RALGDS: variants seen among roughly 807,000 people sequenced by gnomAD.
RALGDS encodes the protein ral guanine nucleotide exchange factor.
Under a neutral mutation model 99.8 loss-of-function variants are expected in RALGDS, and 44 were observed. The ratio of observed to expected loss-of-function variants is 0.44; its 90% confidence interval spans 0.35 to 0.57. The LOEUF is 0.57. Ranked by LOEUF, RALGDS falls within the 20% of genes least tolerant of loss-of-function variation. RALGDS has a pLI of 0.01. For synonymous variants in RALGDS, 529 were observed against 505.0 expected (o/e 1.05, Z -0.64); for missense variants, 1,022 against 1,203.1 (o/e 0.85, Z 2.23).
intron 16 of RALGDS, 53 bp downstream of exon 16, chr9:133,101,467 G>A: frequency 6.2e-7 from 1 of 1,607,040 alleles, no homozygotes; most frequent in East Asian, 2.2e-5. Flanking sequence ...CTGTGTTCAG[G>A]GTGCATTTGC....
chr9:133,104,816 CAAAT>C (rs1005189939), intron 9 of RALGDS, among the ~76,000 whole-genome samples: 1 of 152,064 alleles, frequency 6.6e-6, no homozygotes, highest in Non-Finnish European at 1.5e-5. Flanking sequence ...CTTCTCTAAA[CAAAT>C]AAAAAAACTC....
At position 133,110,329 on chromosome 9, in the gene RALGDS, G is replaced by A; in HGVS notation, c.455C>T (p.Thr152Ile). 2 of 1,613,906 alleles carry A rather than the reference G, an allele frequency of 1.2e-6. No homozygotes were observed. Among genetic ancestry groups the A allele is most frequent in the Non-Finnish European group, 1.7e-6 (2 of 1,179,988 alleles). ...IFLCTYRAFTTTQQVLDLLFK... is the reference protein window; with the variant it reads ...IFLCTYRAFTITQQVLDLLFK... ...CAGCAGGTCCAGGACCTGTTGGGTG[G>A]TGGTGAAGGCTCTATAGGTACACAG... Residue 152 changes from threonine to isoleucine, a missense_variant, in exon 3 of 18, where the codon ACC (threonine) becomes ATC (isoleucine). Coordinates refer to ENST00000372050, the MANE Select transcript of RALGDS (RefSeq NM_006266.4).
intron 15 of RALGDS, 73 bp downstream of exon 15, chr9:133,101,865 G>T (rs1167039258): frequency 4.5e-6 from 7 of 1,551,336 alleles, no homozygotes; most frequent in Non-Finnish European, 6.1e-6. Context: ...AGGATCCAGG[G>T]CTTCCTGGCC....
intron 1 of RALGDS, among the ~76,000 whole-genome samples, chr9:133,145,422 G>A (rs1342348050): frequency 1.3e-5 from 2 of 149,094 alleles, no homozygotes; most frequent in African/African-American, 2.5e-5. Flanking sequence ...AGACAGATAC[G>A]AAATGAATGA....
In RALGDS at chr9:133,108,732, C is replaced by T. The variant is rs776113349; in HGVS notation, c.719G>A (p.Arg240His). 5.0e-6 allele frequency: 8 copies of T among 1,613,580 alleles called. No individual in the cohort carries two copies. The highest frequency in any genetic ancestry group is 2.7e-5 in the African/African-American group (2 of 74,926). ...LNMPGSDLER[R>H]AHLLLAQLEH... is the part of the protein sequence containing the mutation. ...CAGCTGGGCCAGGAGAAGGTGGGCA[C>T]GGCGCTCCAGGTCTGAGCCTGGCAT... Residue 240 changes from arginine to histidine, a missense_variant, in exon 5 of 18, where the codon CGT becomes CAT. This residue lies in a region of RALGDS where 825 missense variants were observed against 994.5 expected (regional missense o/e 0.83). Coordinates refer to ENST00000372050, the MANE Select transcript of RALGDS (RefSeq NM_006266.4).
At chr9:133,119,487 G>A (rs1368347648) in intron 1 of RALGDS, among the ~76,000 whole-genome samples, 2 of 152,204 alleles carry the variant, frequency 1.3e-5, no homozygotes, top group African/African-American at 4.8e-5. Context: ...GGGCCAGAGA[G>A]AGGGAAGACA....
chr9:133,108,540 TG>T, intron 5 of RALGDS, 132 bp downstream of exon 5: 1 of 1,411,370 alleles, frequency 7.1e-7, no homozygotes, highest in Non-Finnish European at 9.7e-7. Flanking sequence ...CTCCTGCCTG[TG>T]GTCCCTGCCT....
At chr9:133,120,672 G>GAA (rs894386520) in intron 1 of RALGDS, among the ~76,000 whole-genome samples, 1 of 152,202 alleles carries the variant, frequency 6.6e-6, no homozygotes, top group Non-Finnish European at 1.5e-5. Flanking sequence ...CAGTGCCGCA[G>GAA]AAAAAGGTCC....
chr9:133,101,482 AG>A (rs1480179349), intron 16 of RALGDS, 37 bp downstream of exon 16: 2 of 1,609,026 alleles, frequency 1.2e-6, no homozygotes, highest in Non-Finnish European at 8.5e-7. Flanking sequence ...ATTTGCCGCC[AG>A]TGGAGGGAGG....
Position 133,102,958 on chromosome 9 carries a change from AGTCTCTGG to A in RALGDS, c.1792-66_1792-59del, listed in dbSNP as rs896698088. 95 of 1,604,004 alleles carry A rather than the reference AGTCTCTGG, an allele frequency of 5.9e-5. 1 individual carries two copies. In the Middle Eastern group the frequency reaches 2.0e-3, roughly 34 times the overall value. On this transcript the variant is annotated intron_variant, in intron 12 of 17. Transcript: ENST00000372050. Reference sequence around the variant, plus strand: ...AGGCCCCCCGGGCAGCACAGGGGCCAGTCTCTGGGTCTTTGTTCTTGGGGTCCCTTCCT... The same window carrying A: ...AGGCCCCCCGGGCAGCACAGGGGCCAGTCTTTGTTCTTGGGGTCCCTTCCT...
chr9:133,148,360 C>A (rs1467743044), intron 1 of RALGDS, among the ~76,000 whole-genome samples: 1 of 152,250 alleles, frequency 6.6e-6, no homozygotes, highest in Non-Finnish European at 1.5e-5. Flanking sequence ...ATCCTGGGAA[C>A]CTTGGAGAAT....
At chr9:133,139,731 A>G (rs1037581959) in intron 1 of RALGDS, among the ~76,000 whole-genome samples, 2 of 152,308 alleles carry the variant, frequency 1.3e-5, no homozygotes, top group African/African-American at 4.8e-5. Flanking sequence ...TGGCTCCCCA[A>G]GGGCAGCGGG....
rs1415846307 is a variant in RALGDS, at chr9:133,100,275, A to C, written c.2562T>G (p.Asp854Glu). ...TCTGGTCTTCTGACTTACTCCGGTC[A>C]TCTGAGAGAATCTGCAGCAGCTCAT... ...EDYELLQILSDDRKLKIPENA... is the reference protein window; with the variant it reads ...EDYELLQILSEDRKLKIPENA... The change falls in exon 17 of 18, where the codon GAT (aspartate) becomes GAG (glutamate). Residue 854 changes from aspartate to glutamate, a missense_variant. Coordinates refer to ENST00000372050, the MANE Select transcript of RALGDS (RefSeq NM_006266.4). The C allele has an allele frequency of 6.2e-7, 1 of 1,614,032 alleles. No individual in the cohort carries two copies. The highest frequency in any genetic ancestry group is 8.5e-7 in the Non-Finnish European group (1 of 1,179,988).
At chr9:133,108,649 G>A (rs756403551) in intron 5 of RALGDS, 24 bp downstream of exon 5, 1 of 1,611,916 alleles carries the variant, frequency 6.2e-7, no homozygotes, top group Admixed American at 1.7e-5. Flanking sequence ...TTCACCCTCT[G>A]GCACCCACCC....
rs148644432 is a variant in RALGDS at position 133,118,615 on chromosome 9, G to A, written c.183+2357C>T. Among the ~76,000 whole-genome samples, 11 of 152,342 alleles carry A rather than the reference G, an allele frequency of 7.2e-5. No individual in the cohort carries two copies. In the East Asian group the frequency reaches 2.1e-3, roughly 29 times the overall value. Reference sequence around the variant, plus strand: ...TCTTATTAGCTGTTATCTTAAACCTGTGGGGTCCAGTTCTGGGCTTGCTTC... The same window carrying A: ...TCTTATTAGCTGTTATCTTAAACCTATGGGGTCCAGTTCTGGGCTTGCTTC... On this transcript the variant is annotated intron_variant, in intron 1 of 17. Transcript: ENST00000372050.
At position 133,098,473 on chromosome 9, in the gene RALGDS, C is replaced by T; in HGVS notation, c.*114G>A. 8.9e-7 allele frequency: 1 copy of T among 1,126,464 alleles called. No homozygotes were observed. The highest frequency in any genetic ancestry group is 1.3e-6 in the Non-Finnish European group (1 of 765,958). 69.8% of individuals were successfully genotyped at this position (1,126,464 alleles called of 1,614,324 possible). On this transcript the variant is annotated 3_prime_UTR_variant, in exon 18 of 18. Coordinates refer to ENST00000372050, the MANE Select transcript of RALGDS (RefSeq NM_006266.4). Reference sequence around the variant, plus strand: ...GCAGCGGGAGAGGTTCAGGATGAAACTGGAGTCTGGGGTACCCTGGGCTGG... The same window carrying T: ...GCAGCGGGAGAGGTTCAGGATGAAATTGGAGTCTGGGGTACCCTGGGCTGG...
chr9:133,135,567 GGAGGAA>G (rs1832412273), upstream of RALGDS, among the ~76,000 whole-genome samples: 2 of 152,204 alleles, frequency 1.3e-5, no homozygotes, highest in African/African-American at 4.8e-5. Context: ...TCCAGCTCCA[GGAGGAA>G]CCCAACGTCT....
intron 1 of RALGDS, among the ~76,000 whole-genome samples, chr9:133,117,942 T>C (rs1483592737): frequency 2.0e-5 from 3 of 152,196 alleles, no homozygotes; most frequent in South Asian, 4.1e-4. Flanking sequence ...ATGCCCAATT[T>C]CCAGGTTAAG....
upstream of RALGDS, among the ~76,000 whole-genome samples, chr9:133,123,547 G>A (rs1832022222): frequency 6.6e-6 from 1 of 152,160 alleles, no homozygotes; most frequent in Admixed American, 6.5e-5. Flanking sequence ...GGCGGGGGAG[G>A]GCGTTACTTA....
Sources: gnomAD v4.1 joint callset for allele counts (sites outside exome capture counted in the v4.1 genomes callset) on GRCh38, gnomAD v4.1.1 for gene constraint, gnomAD v4.1.1 regional missense constraint, MANE v1.5 for transcripts, NCBI Gene and HGNC (gene_info 2026-07-23, HGNC 2026-07-21) for gene names.